SREBF1: variants seen among roughly 807,000 people sequenced by gnomAD.
SREBF1 encodes sterol regulatory element-binding protein 1.
Under a neutral mutation model 100.1 loss-of-function variants are expected in SREBF1, and 45 were observed. The observed-to-expected ratio is 0.45, with a 90% CI of 0.35 to 0.58. SREBF1 has a LOEUF of 0.58. Among genes scored for constraint, SREBF1 ranks in the 20% least tolerant of loss-of-function variants. SREBF1 has a pLI of 0.00. For missense variants in SREBF1, 1,324 were observed against 1,539.4 expected, an observed-to-expected ratio of 0.86 and a Z score of 2.34; for synonymous variants, 657 against 681.8, an observed-to-expected ratio of 0.96 and a Z score of 0.57.
chr17:17,816,227 G>A lies in SREBF1; in HGVS notation c.2194C>T (p.Arg732Trp), dbSNP rs149989037. The change falls in exon 11 of 19, where the codon CGG becomes TGG. Residue 732 changes from arginine (R) to tryptophan (W), a missense_variant. Arg to Trp is a moderately radical substitution (Grantham distance 101). Transcript: ENST00000261646. The stretch of plus-strand genomic sequence containing the variant: ...CTCACTGTCAGAAAATGCAAGGCCC[G>A]TGGGAGACTGGTCTTCACTCTCAAT... ...AALRVKTSLP[R>W]ALHFLTRFFL... 1.3e-5 allele frequency: 19 copies of A among 1,422,456 alleles called. No individual in the cohort carries two copies. The highest frequency in any genetic ancestry group is 1.8e-4 in the Middle Eastern group (1 of 5,444). 88.1% of individuals were successfully genotyped at this position (1,422,456 alleles called of 1,614,324 possible).
In SREBF1 at chr17:17,814,407, T is replaced by C. The variant is rs1456149295; in HGVS notation, c.2739A>G (p.Arg913=). The part of the protein sequence containing the change: ...HLPRVLQESE[R]PLPRAALHSF... ...AGTGCAGAGCTGCCCTGGGCAGGGG[T>C]CTCCTGTTGGGACCAGGGCAGAAGA... is the stretch of plus-strand genomic sequence containing the variant. The change falls in exon 16 of 19, where the codon AGA becomes AGG. Residue 913 remains arginine (R), a synonymous_variant. Coordinates refer to ENST00000261646, the MANE Select transcript of SREBF1 (RefSeq NM_004176.5). The C allele has an allele frequency of 4.5e-6, 7 of 1,555,066 alleles. No individual in the cohort carries two copies. The highest frequency in any genetic ancestry group is 1.2e-5 in the South Asian group (1 of 84,438).
rs2033911317 is a variant in SREBF1 at position 17,819,408 on chromosome 17, G to A, written c.758C>T (p.Thr253Ile). ...AGTGGCTCCGTCTGTCTTCATGGCT[G>A]TCAGAAGCAGCGAGTCTGCCTTGAT... ...HFIKADSLLL[T>I]AMKTDGATVK... The change falls in exon 4 of 19, where the codon ACA (threonine) becomes ATA (isoleucine). Residue 253 changes from threonine to isoleucine, a missense_variant. Physicochemically the swap from Thr to Ile is moderately conservative, Grantham distance 89. Transcript: ENST00000261646. The A allele has an allele frequency of 6.2e-7, 1 of 1,613,874 alleles. No individual in the cohort carries two copies. Among genetic ancestry groups the A allele is most frequent in the Non-Finnish European group, 8.5e-7 (1 of 1,180,046 alleles).
chr17:17,825,344 G>A (rs1163915297), intron 1 of SREBF1, among the ~76,000 whole-genome samples: 4 of 152,296 alleles, frequency 2.6e-5, no homozygotes, highest in African/African-American at 9.6e-5. Context: ...GATGGGAGAG[G>A]GCGGTTGCTC....
chr17:17,818,168 G>T, intron 6 of SREBF1, 92 bp downstream of exon 6: 1 of 1,103,410 alleles, frequency 9.1e-7, no homozygotes, highest in Non-Finnish European at 1.4e-6. Context: ...CCAGAACCAA[G>T]GGTGGGGTGG....
rs374465060 is a variant in SREBF1, at chr17:17,818,352, C to T, written c.1091G>A (p.Arg364His). ...AAAGCGAATGTAGTCGATGGCCTTG[C>T]GCAAGACAGCAGATTTATTCAGCTG... ...EAKLNKSAVL[R>H]KAIDYIRFLQ... Residue 364 changes from arginine (R) to histidine (H), a missense_variant, in exon 6 of 19, where the codon CGC (arginine) becomes CAC (histidine). Physicochemically the swap from Arg to His is conservative, Grantham distance 29. Transcript: ENST00000261646. 8.1e-6 allele frequency: 13 copies of T among 1,613,344 alleles called. No individual in the cohort carries two copies. Among genetic ancestry groups the T allele is most frequent in the Admixed American group, 3.3e-5 (2 of 59,982 alleles).
intron 18 of SREBF1, 171 bp downstream of exon 18, chr17:17,813,197 G>A: frequency 1.4e-6 from 1 of 710,742 alleles, no homozygotes; most frequent in Non-Finnish European, 2.5e-6. Flanking sequence ...TCCAACTCCT[G>A]GGCTCAAGCT....
chr17:17,827,634 C>G (rs752660603), intron 1 of SREBF1, among the ~76,000 whole-genome samples: 2 of 152,282 alleles, frequency 1.3e-5, no homozygotes, highest in African/African-American at 2.4e-5. Context: ...GGGACGCACC[C>G]ATGGCTGGAG....
chr17:17,836,813 T>G lies in SREBF1; in HGVS notation c.5A>C (p.Asp2Ala), dbSNP rs1184352219. 1.3e-6 allele frequency: 2 copies of G among 1,532,976 alleles called. No homozygotes were observed. The highest frequency in any genetic ancestry group is 2.8e-5 in the African/African-American group (2 of 71,638). 95.0% of individuals were successfully genotyped at this position (1,532,976 alleles called of 1,614,324 possible). The change falls in exon 1 of 19, where the codon GAC becomes GCC. Residue 2 changes from aspartate (D) to alanine (A), a missense_variant. Transcript: ENST00000261646. M[D>A]EPPFSEAALE... ...AGCCGCCTCGCTGAAGGGTGGCTCG[T>G]CCATGGCGCAGCCGCCTCCTCCGGG...
chr17:17,829,989 G>A (rs538341574), intron 1 of SREBF1, among the ~76,000 whole-genome samples: 19 of 152,264 alleles, frequency 1.2e-4, no homozygotes, highest in African/African-American at 4.1e-4. Flanking sequence ...TCCCCATGGC[G>A]GGGGGTGCTC....
chr17:17,829,205 A>AAAAAATAT (rs1210718799), intron 1 of SREBF1, among the ~76,000 whole-genome samples: 3 of 65,842 alleles, frequency 4.6e-5, no homozygotes, highest in African/African-American at 1.8e-4. Context: ...AAAAAAAAAA[A>AAAAAATAT]ATATATATAT....
chr17:17,815,324 G>T lies in SREBF1; in HGVS notation c.2389C>A (p.Pro797Thr). ...LYSLAGNPVD[P>T]LAQVTQLFRE... The stretch of plus-strand genomic sequence containing the variant: ...AATAGCTGAGTCACCTGGGCCAGGG[G>T]GTCCACTGTGGAGAGGAGGAGGTGA... Residue 797 changes from proline to threonine, a missense_variant, in exon 13 of 19, where the codon CCC becomes ACC. Pro to Thr is a conservative substitution (Grantham distance 38). Transcript: ENST00000261646. 1 of 1,613,288 alleles carries T rather than the reference G, an allele frequency of 6.2e-7. No individual in the cohort carries two copies. The highest frequency in any genetic ancestry group is 8.5e-7 in the Non-Finnish European group (1 of 1,179,772).
Position 17,816,650 on chromosome 17 carries a change from G to A in SREBF1, c.1854C>T (p.Thr618=). ...ALRALGRPLP[T]SHLDLACSLL... The stretch of plus-strand genomic sequence containing the variant: ...GGCTACAAGCCAGGTCCAGGTGGGA[G>A]GTGGGCAGGGGCCGGCCCAGTGCCC... Residue 618 remains threonine (T), a synonymous_variant, in exon 10 of 19, where the codon ACC becomes ACT. Transcript: ENST00000261646. The A allele has an allele frequency of 6.3e-7, 1 of 1,593,120 alleles. No homozygotes were observed. Among genetic ancestry groups the A allele is most frequent in the East Asian group, 2.3e-5 (1 of 43,996 alleles).
intron 1 of SREBF1, among the ~76,000 whole-genome samples, chr17:17,832,691 C>T (rs998098951): frequency 9.2e-5 from 14 of 151,706 alleles, no homozygotes; most frequent in African/African-American, 2.4e-4. Context: ...GAGGCCGAGG[C>T]GGGCAGATCA....
intron 1 of SREBF1, among the ~76,000 whole-genome samples, chr17:17,829,726 C>T (rs1022261624): frequency 6.6e-6 from 1 of 151,922 alleles, no homozygotes; most frequent in Non-Finnish European, 1.5e-5. Context: ...CTCACTGCAG[C>T]CTCAACCTCC....
rs760812071 is a variant in SREBF1, at chr17:17,814,679, C to T, written c.2671G>A (p.Glu891Lys). The T allele has an allele frequency of 1.3e-6, 2 of 1,584,214 alleles. No homozygotes were observed. Among genetic ancestry groups the T allele is most frequent in the African/African-American group, 2.7e-5 (2 of 74,268 alleles). The change falls in exon 15 of 19, where the codon GAG becomes AAG. Residue 891 changes from glutamate (E) to lysine (K), a missense_variant. Coordinates refer to ENST00000261646, the MANE Select transcript of SREBF1 (RefSeq NM_004176.5). ...AVVIHWLRRD[E>K]EAAERLCPLV... is the part of the protein sequence containing the mutation. ...GGGCACAGCCGCTCAGCCGCCTCCT[C>T]ATCCCGCCGCAGCCAGTGGATCACC...
intron 13 of SREBF1, 74 bp from the exon 14 acceptor site, chr17:17,815,018 G>A: frequency 1.4e-6 from 2 of 1,411,138 alleles, no homozygotes; most frequent in Non-Finnish European, 2.0e-6. Context: ...CTGCCCTCCA[G>A]AGTACAGCCT....
At chr17:17,819,503 T>C (rs1289245840) in intron 3 of SREBF1, 35 bp downstream of exon 3, 10 of 1,613,466 alleles carry the variant, frequency 6.2e-6, no homozygotes, top group Non-Finnish European at 8.5e-6. Flanking sequence ...GGGCTGGGGC[T>C]GCCCCCTCCC....
chr17:17,819,938 G>C, intron 2 of SREBF1, 152 bp downstream of exon 2: 1 of 1,141,390 alleles, frequency 8.8e-7, no homozygotes, highest in South Asian at 1.6e-5. Context: ...AAGCACACCA[G>C]GACTGCTAGT....
At chr17:17,826,445 T>C (rs912902727) in intron 1 of SREBF1, among the ~76,000 whole-genome samples, 6 of 152,114 alleles carry the variant, frequency 3.9e-5, no homozygotes, top group Non-Finnish European at 5.9e-5. Flanking sequence ...GGCACCCAAA[T>C]TGCGGCCCAC....
Sources: allele counts gnomAD v4.1 joint callset (sites outside exome capture counted in the v4.1 genomes callset), GRCh38; gene constraint gnomAD v4.1.1; transcripts MANE v1.5; gene names NCBI Gene and HGNC (gene_info 2026-07-23, HGNC 2026-07-21).